Variants in TNRC6B observed in about 807,000 individuals in gnomAD.
TNRC6B encodes trinucleotide repeat-containing gene 6B protein.
In TNRC6B, 52 loss-of-function variants were observed where a neutral mutation model predicts 203.6. The observed-to-expected ratio is 0.26, with a 90% CI of 0.20 to 0.32. The LOEUF (loss-of-function observed/expected upper bound fraction) is 0.32, where lower values mean the gene tolerates loss of function less well. Ranked by LOEUF, TNRC6B falls within the 10% of genes least tolerant of loss-of-function variation. TNRC6B has a pLI of 1.00. For missense variants in TNRC6B, 1,923 were observed against 2,286.2 expected (o/e 0.84, Z 3.24); for synonymous variants, 838 against 845.7 (o/e 0.99, Z 0.16).
intron 11 of TNRC6B, among the ~76,000 whole-genome samples, chr22:40,282,531 C>T (rs1334455338): frequency 1.3e-5 from 2 of 152,106 alleles, no homozygotes. Flanking sequence ...ATGAAATAGG[C>T]ATAACATTCA....
At chr22:40,081,811 C>T (rs1193523987) in intron 1 of TNRC6B, among the ~76,000 whole-genome samples, 1 of 152,042 alleles carries the variant, frequency 6.6e-6, no homozygotes, top group East Asian at 1.9e-4. Context: ...AAGACTTTCT[C>T]TTGTTTATCT....
intron 3 of TNRC6B, among the ~76,000 whole-genome samples, chr22:40,150,234 C>G (rs1568998976): frequency 6.6e-6 from 1 of 152,076 alleles, no homozygotes; most frequent in Admixed American, 6.6e-5. Context: ...AAAAATTAGC[C>G]AGGCGTGGTC....
At chr22:40,312,413 T>A in intron 17 of TNRC6B, 92 bp from the exon 18 acceptor site, 1 of 1,296,918 alleles carries the variant, frequency 7.7e-7, no homozygotes. Flanking sequence ...GTATTTATAC[T>A]TTTCACAGAC....
chr22:40,267,429 G>C (rs2070497036), intron 5 of TNRC6B, among the ~76,000 whole-genome samples: 2 of 152,188 alleles, frequency 1.3e-5, no homozygotes, highest in South Asian at 4.1e-4. Flanking sequence ...CTCTGCTTCT[G>C]TTTCCCCAGC....
chr22:40,128,276 TC>T (rs1192859765), intron 3 of TNRC6B, among the ~76,000 whole-genome samples: 2 of 152,168 alleles, frequency 1.3e-5, no homozygotes, highest in Admixed American at 1.3e-4. Flanking sequence ...TCCATTCTCC[TC>T]CTCCGAGGGT....
chr22:40,090,731 T>G (rs1381264855), intron 1 of TNRC6B, among the ~76,000 whole-genome samples: 4 of 152,174 alleles, frequency 2.6e-5, no homozygotes, highest in African/African-American at 9.7e-5. Context: ...CCTAACCCAT[T>G]CAATTGAAAA....
At chr22:40,193,897 GC>G (rs2069303896) in intron 1 of TNRC6B, among the ~76,000 whole-genome samples, 3 of 152,170 alleles carry the variant, frequency 2.0e-5, no homozygotes, top group Non-Finnish European at 4.4e-5. Flanking sequence ...CCGGCTGCCA[GC>G]CCTAAGAGCT....
At chr22:40,139,648 A>G (rs1435046181) in intron 3 of TNRC6B, among the ~76,000 whole-genome samples, 4 of 152,124 alleles carry the variant, frequency 2.6e-5, no homozygotes, top group Non-Finnish European at 5.9e-5. Context: ...TTATTTATAT[A>G]CTCAACAGTT....
chr22:40,272,087 G>T lies in TNRC6B; in HGVS notation c.2966-1338G>T, dbSNP rs151338557. Among the ~76,000 whole-genome samples, 726 of 152,290 alleles carry T rather than the reference G, an allele frequency of 4.8e-3. 7 individuals carry two copies. The highest frequency in any genetic ancestry group is 0.016 in the African/African-American group (657 of 41,540). ...GGTTTTTAGCTCGTGTTGCTTGTCA[G>T]TGGATGCTATAAAGCCTATGCTTGT... On this transcript the variant is annotated intron_variant, in intron 6 of 22. Transcript: ENST00000454349.
intron 1 of TNRC6B, among the ~76,000 whole-genome samples, chr22:40,056,317 C>T (rs17001597): frequency 0.044 from 6,709 of 152,240 alleles, 450 homozygotes; most frequent in African/African-American, 0.14. Context: ...AATTGACTTA[C>T]GGTAATGCCG....
rs1403307366 is a variant in TNRC6B, at chr22:40,158,338, TTCAA to T, written c.113+2158_113+2161del. ...TGGGCAACAAGAGCGAAACTCCATC[TTCAA>T]TAAATAAATAAATAAATAAATAAAT... On this transcript the variant is annotated intron_variant, in intron 4 of 23. Transcript: ENST00000301923. Among the ~76,000 whole-genome samples, 6 of 127,806 alleles carry T rather than the reference TTCAA, an allele frequency of 4.7e-5. 1 individual carries two copies. The highest frequency in any genetic ancestry group is 2.2e-4 in the East Asian group (1 of 4,642). The allele number at this position is 127,806 out of a possible 152,430, so 83.8% of individuals were successfully genotyped here. A position where few individuals can be genotyped will look rare whatever the true frequency, so the allele number is the denominator to read the frequency against.
At chr22:40,209,950 G>A (rs769725265) in intron 1 of TNRC6B, among the ~76,000 whole-genome samples, 9 of 151,872 alleles carry the variant, frequency 5.9e-5, no homozygotes, top group African/African-American at 1.2e-4. Context: ...CCCAGGAAGC[G>A]GAGGTTGCAG....
intron 10 of TNRC6B, 95 bp downstream of exon 10, chr22:40,280,238 T>A: frequency 7.8e-7 from 1 of 1,286,332 alleles, no homozygotes; most frequent in Non-Finnish European, 1.1e-6. Flanking sequence ...AGCATAGAAT[T>A]ACTGAACTAG....
At chr22:40,093,147 C>T (rs1264500885) in intron 1 of TNRC6B, among the ~76,000 whole-genome samples, 1 of 152,064 alleles carries the variant, frequency 6.6e-6, no homozygotes, top group Non-Finnish European at 1.5e-5. Flanking sequence ...AAAAAATAAC[C>T]ATTTCAGAAG....
intron 15 of TNRC6B, among the ~76,000 whole-genome samples, chr22:40,301,773 A>G (rs1366261236): frequency 1.3e-5 from 2 of 152,162 alleles, no homozygotes; most frequent in African/African-American, 4.8e-5. Context: ...TTTAACTACA[A>G]GTTGAGCATC....
chr22:40,222,652 TG>T (rs2069725572), intron 1 of TNRC6B, among the ~76,000 whole-genome samples: 1 of 150,434 alleles, frequency 6.6e-6, no homozygotes, highest in African/African-American at 2.4e-5. Flanking sequence ...CAAATGCAGT[TG>T]TAAGAAATAA....
chr22:40,158,136 A>G (rs1348543790), intron 4 of TNRC6B, among the ~76,000 whole-genome samples: 1 of 152,096 alleles, frequency 6.6e-6, no homozygotes, highest in Non-Finnish European at 1.5e-5. Context: ...TTGGGAGTTC[A>G]AGACCAGCCT....
At chr22:40,143,706 C>T (rs370280951) in intron 3 of TNRC6B, among the ~76,000 whole-genome samples, 5 of 152,272 alleles carry the variant, frequency 3.3e-5, no homozygotes, top group Non-Finnish European at 4.4e-5. Context: ...CCGTGTTAGC[C>T]AGGATGGTCT....
intron 1 of TNRC6B, among the ~76,000 whole-genome samples, chr22:40,240,455 A>G (rs2070013160): frequency 6.6e-6 from 1 of 152,116 alleles, no homozygotes; most frequent in Admixed American, 6.5e-5. Flanking sequence ...GGGTAAGTAG[A>G]TGAGGTTGGA....
Sources: allele counts gnomAD v4.1 joint callset (sites outside exome capture counted in the v4.1 genomes callset), GRCh38; gene constraint gnomAD v4.1.1; transcripts MANE v1.5; gene names NCBI Gene and HGNC (gene_info 2026-07-23, HGNC 2026-07-21).